Variants in NCOA1 observed in about 807,000 individuals in gnomAD.
NCOA1 encodes the protein nuclear receptor coactivator 1.
Under a neutral mutation model 150.9 loss-of-function variants are expected in NCOA1, and 35 were observed. The observed-to-expected ratio is 0.23, with a 90% CI of 0.18 to 0.31. NCOA1 has a LOEUF of 0.31. NCOA1 is among the 10% of genes least tolerant of loss of function. The probability of loss-of-function intolerance (pLI) is 1.00; values close to 1 mark genes in which losing one functional copy is unlikely to be tolerated. For synonymous variants in NCOA1, 590 were observed against 630.0 expected (o/e 0.94, Z 0.95); for missense variants, 1,491 against 1,749.3 (o/e 0.85, Z 2.63).
intron 14 of NCOA1, among the ~76,000 whole-genome samples, chr2:24,713,788 A>C (rs2148609822): frequency 6.6e-6 from 1 of 152,328 alleles, no homozygotes; most frequent in South Asian, 2.1e-4. Flanking sequence ...CAAAATAAGC[A>C]CGGATATTTT....
At chr2:24,646,885 A>G (rs1415185159) in intron 4 of NCOA1, among the ~76,000 whole-genome samples, 1 of 152,036 alleles carries the variant, frequency 6.6e-6, no homozygotes, top group Non-Finnish European at 1.5e-5. Flanking sequence ...CCCAAGATTT[A>G]TAAACTTTGG....
chr2:24,523,605 CAA>C (rs979559677), intron 1 of NCOA1, among the ~76,000 whole-genome samples: 882 of 17,648 alleles, frequency 0.05, 8 homozygotes, highest in African/African-American at 0.12. Context: ...GACTCCGTCT[CAA>C]AAAAAAAAAA....
intron 19 of NCOA1, among the ~76,000 whole-genome samples, chr2:24,747,725 T>C (rs1664008024): frequency 1.3e-5 from 2 of 151,972 alleles, no homozygotes; most frequent in Non-Finnish European, 2.9e-5. Context: ...CAAAATAGTT[T>C]AAAATGGAGA....
chr2:24,531,401 G>GA lies in NCOA1; in HGVS notation c.-395-32886dup, dbSNP rs1052043763. On this transcript the variant is annotated intron_variant, in intron 1 of 22. Transcript: ENST00000348332. ...ATGGAATACTACTCAGCCATAAAAAGAAAAAAAATAATCTATTTTGCAGCA... is the reference window on the plus strand; with the variant it reads ...ATGGAATACTACTCAGCCATAAAAAGAAAAAAAAATAATCTATTTTGCAGCA... Among the ~76,000 whole-genome samples, 8 of 151,714 alleles carry GA rather than the reference G, an allele frequency of 5.3e-5. 1 individual carries two copies. The highest frequency in any genetic ancestry group is 2.6e-4 in the Admixed American group (4 of 15,246).
chr2:24,531,531 T>C (rs1664901595), intron 1 of NCOA1, among the ~76,000 whole-genome samples: 1 of 152,176 alleles, frequency 6.6e-6, no homozygotes. Flanking sequence ...TAGGTATACA[T>C]GTGCCATGTT....
intron 3 of NCOA1, among the ~76,000 whole-genome samples, chr2:24,628,164 G>T (rs1234023155): frequency 6.6e-6 from 1 of 152,148 alleles, no homozygotes; most frequent in Non-Finnish European, 1.5e-5. Flanking sequence ...GCTGGGTGTG[G>T]TGGCGGACGC....
intron 3 of NCOA1, among the ~76,000 whole-genome samples, chr2:24,601,347 G>A (rs1008357055): frequency 3.3e-5 from 5 of 151,888 alleles, no homozygotes; most frequent in African/African-American, 9.7e-5. Flanking sequence ...CAAATAGCTG[G>A]CACTACAAAT....
chr2:24,675,968 A>G (rs569610872), intron 7 of NCOA1, among the ~76,000 whole-genome samples: 11 of 152,338 alleles, frequency 7.2e-5, no homozygotes, highest in South Asian at 2.1e-4. Flanking sequence ...ACAAAGGTCT[A>G]TCCTTAGCCC....
intron 10 of NCOA1, among the ~76,000 whole-genome samples, chr2:24,694,499 T>C (rs1337014121): frequency 6.6e-6 from 1 of 152,230 alleles, no homozygotes; most frequent in Non-Finnish European, 1.5e-5. Flanking sequence ...ATTAATTTTT[T>C]AGTGCCAATA....
chr2:24,584,167 C>G (rs1667307322), intron 2 of NCOA1, among the ~76,000 whole-genome samples: 1 of 151,846 alleles, frequency 6.6e-6, no homozygotes, highest in Non-Finnish European at 1.5e-5. Context: ...AATATAGTTA[C>G]TAAATGTCAA....
chr2:24,701,293 C>T (rs1673146245), intron 11 of NCOA1, among the ~76,000 whole-genome samples: 3 of 151,946 alleles, frequency 2.0e-5, no homozygotes, highest in Admixed American at 2.0e-4. Flanking sequence ...TGCTTGAGTC[C>T]AGAAGTTCAA....
intron 3 of NCOA1, among the ~76,000 whole-genome samples, chr2:24,588,982 A>C (rs1667530623): frequency 6.6e-6 from 1 of 152,166 alleles, no homozygotes; most frequent in South Asian, 2.1e-4. Context: ...ACTTACTCCC[A>C]TCTGGTAAAC....
chr2:24,752,307 G>A (rs1235851015), intron 20 of NCOA1, 151 bp downstream of exon 20: 10 of 892,814 alleles, frequency 1.1e-5, no homozygotes, highest in South Asian at 1.1e-4. Flanking sequence ...TTTATATGAC[G>A]TTTCCCCGTT....
chr2:24,716,059 G>A (rs571942318), intron 14 of NCOA1, among the ~76,000 whole-genome samples: 122 of 151,594 alleles, frequency 8.0e-4, no homozygotes, highest in African/African-American at 1.3e-3. Context: ...CAGGAGAATG[G>A]TGTGAACCCA....
In NCOA1 at chr2:24,759,537, C is replaced by G. The variant is rs1269595784; in HGVS notation, c.4065+1381C>G. ...ATTTTTAGAAGAGAATGAATAAATTCAAAACAATATTTAAGATTATTGCAA... is the reference window on the plus strand; with the variant it reads ...ATTTTTAGAAGAGAATGAATAAATTGAAAACAATATTTAAGATTATTGCAA... On this transcript the variant is annotated intron_variant, in intron 21 of 22. Transcript: ENST00000348332. Among the ~76,000 whole-genome samples, 5 of 152,138 alleles carry G rather than the reference C, an allele frequency of 3.3e-5. No homozygotes were observed. In the South Asian group the frequency reaches 8.3e-4, roughly 25 times the overall value.
At chr2:24,506,804 T>C (rs1572358951) in intron 1 of NCOA1, among the ~76,000 whole-genome samples, 1 of 152,276 alleles carries the variant, frequency 6.6e-6, no homozygotes, top group East Asian at 1.9e-4. Context: ...ATAAAACACT[T>C]TCAATCCATT....
intron 19 of NCOA1, among the ~76,000 whole-genome samples, chr2:24,751,381 G>A (rs1351723190): frequency 6.6e-6 from 1 of 151,054 alleles, no homozygotes; most frequent in South Asian, 2.1e-4. Flanking sequence ...TCAGGAGTTC[G>A]AGACCACCCT....
intron 3 of NCOA1, among the ~76,000 whole-genome samples, chr2:24,601,135 A>G (rs979944148): frequency 1.3e-5 from 2 of 152,148 alleles, no homozygotes; most frequent in Non-Finnish European, 2.9e-5. Flanking sequence ...CTGTTCATTT[A>G]TAAGAGTTAA....
At chr2:24,686,186 G>C (rs909524467) in intron 8 of NCOA1, among the ~76,000 whole-genome samples, 1 of 151,988 alleles carries the variant, frequency 6.6e-6, no homozygotes, top group Non-Finnish European at 1.5e-5. Flanking sequence ...ATTTTTAGTA[G>C]AGACAGGGGT....
Sources: allele counts gnomAD v4.1 joint callset (sites outside exome capture counted in the v4.1 genomes callset), GRCh38; gene constraint gnomAD v4.1.1; transcripts MANE v1.5; gene names NCBI Gene and HGNC (gene_info 2026-07-23, HGNC 2026-07-21).